TTBK2: variants seen among roughly 807,000 people sequenced by gnomAD.
The protein encoded by TTBK2 is tau tubulin kinase 2.
TTBK2 carries 28 observed loss-of-function variants against 110.8 expected under a neutral mutation model. That is an observed-to-expected ratio of 0.25 (90% CI 0.19 to 0.35). TTBK2 has a LOEUF of 0.35. Ranked by LOEUF, TTBK2 falls within the 10% of genes least tolerant of loss-of-function variation. TTBK2 has a pLI of 1.00. For missense variants in TTBK2, 1,369 were observed against 1,500.3 expected, an observed-to-expected ratio of 0.91 and a Z score of 1.45; for synonymous variants, 532 against 527.3, an observed-to-expected ratio of 1.01 and a Z score of -0.12.
At chr15:42,920,818 G>C (rs551459017), upstream of TTBK2, 3 of 153,026 alleles carry the variant, frequency 2.0e-5, no homozygotes, top group East Asian at 3.9e-4. Flanking sequence ...CTCCCCCCTC[G>C]TAACCCGACA....
intron 10 of TTBK2, among the ~76,000 whole-genome samples, chr15:42,785,654 C>T (rs766655807): frequency 3.0e-4 from 46 of 152,118 alleles, no homozygotes; most frequent in Non-Finnish European, 6.2e-4. Flanking sequence ...CTCCCTTAGA[C>T]CCTCCCATGA....
rs115127805 is a variant in TTBK2, at chr15:42,912,389, T to A, written c.-68+8049A>T. On this transcript the variant is annotated intron_variant, in intron 1 of 14. Transcript: ENST00000267890. ...GATAATTCACCAAATAGCAGTTTTATAACTGTCATATAGTTTATATAAGAT... is the reference window on the plus strand; with the variant it reads ...GATAATTCACCAAATAGCAGTTTTAAAACTGTCATATAGTTTATATAAGAT... Among the ~76,000 whole-genome samples, 1,385 of 152,358 alleles carry A rather than the reference T, an allele frequency of 9.1e-3. 17 individuals are homozygous for A. Among genetic ancestry groups the A allele is most frequent in the African/African-American group, 0.032 (1,316 of 41,580 alleles).
chr15:42,813,307 A>G (rs2140932797), intron 7 of TTBK2, among the ~76,000 whole-genome samples: 1 of 152,222 alleles, frequency 6.6e-6, no homozygotes, highest in Admixed American at 6.5e-5. Flanking sequence ...GAATTGCTTG[A>G]GCTCAGGAGT....
chr15:42,857,336 C>T (rs1893983126), intron 3 of TTBK2: 3 of 151,830 alleles, frequency 2.0e-5, no homozygotes, highest in Admixed American at 2.0e-4. Context: ...GGCAATATAG[C>T]AAAACCCCAT....
intron 14 of TTBK2, among the ~76,000 whole-genome samples, chr15:42,748,763 C>T (rs762287783): frequency 2.0e-4 from 31 of 152,132 alleles, no homozygotes; most frequent in Non-Finnish European, 3.1e-4. Flanking sequence ...TTCCCCTCTT[C>T]CTCAAAATAT....
chr15:42,746,388 C>G (rs369209897), intron 14 of TTBK2, 131 bp from the exon 15 acceptor site: 34 of 704,188 alleles, frequency 4.8e-5, no homozygotes, highest in East Asian at 3.3e-4. Flanking sequence ...CAGGGTTACT[C>G]TGTCATATAC....
At chr15:42,866,172 C>T (rs567502041) in intron 3 of TTBK2, among the ~76,000 whole-genome samples, 2 of 152,126 alleles carry the variant, frequency 1.3e-5, no homozygotes, top group African/African-American at 4.8e-5. Flanking sequence ...AGCACAGTAG[C>T]TTGCACCTGT....
chr15:42,763,669 T>C (rs191835877), intron 13 of TTBK2, among the ~76,000 whole-genome samples: 1 of 152,248 alleles, frequency 6.6e-6, no homozygotes, highest in African/African-American at 2.4e-5. Context: ...CTCATACATA[T>C]GTATGATTAT....
chr15:42,900,403 A>T (rs2029917877), intron 1 of TTBK2, among the ~76,000 whole-genome samples: 2 of 152,176 alleles, frequency 1.3e-5, no homozygotes, highest in Non-Finnish European at 2.9e-5. Flanking sequence ...AAAAACCTGA[A>T]CTGAAATTTA....
intron 3 of TTBK2, among the ~76,000 whole-genome samples, chr15:42,851,260 A>G (rs915886147): frequency 6.6e-5 from 10 of 151,380 alleles, no homozygotes; most frequent in Admixed American, 1.3e-4. Context: ...AAAAAAAAAA[A>G]AAAGAAAGAA....
intron 3 of TTBK2, among the ~76,000 whole-genome samples, chr15:42,845,960 A>C (rs898968248): frequency 1.3e-5 from 2 of 152,308 alleles, no homozygotes; most frequent in East Asian, 3.9e-4. Context: ...CAAAAGGTAC[A>C]CTAAAAACAT....
chr15:42,902,197 C>T (rs2030080185), intron 1 of TTBK2, among the ~76,000 whole-genome samples: 2 of 137,886 alleles, frequency 1.5e-5, no homozygotes, highest in South Asian at 4.5e-4. Flanking sequence ...GCATGGGCAA[C>T]AGAGCGAGAC....
chr15:42,919,434 C>T (rs530777507), intron 1 of TTBK2, among the ~76,000 whole-genome samples: 1 of 152,226 alleles, frequency 6.6e-6, no homozygotes, highest in African/African-American at 2.4e-5. Flanking sequence ...TATACTGTGG[C>T]AAATCAGGGT....
chr15:42,776,821 T>C, intron 12 of TTBK2: 1 of 616,706 alleles, frequency 1.6e-6, no homozygotes, highest in Non-Finnish European at 2.8e-6. Flanking sequence ...AAGGACATGC[T>C]ATAGAATTTA....
intron 9 of TTBK2, chr15:42,800,999 C>T (rs1388321859): frequency 2.6e-6 from 2 of 762,756 alleles, no homozygotes; most frequent in Non-Finnish European, 4.8e-6. Flanking sequence ...CAGACACTAG[C>T]TTCCCATCAC....
In TTBK2 at chr15:42,811,269, T is replaced by C. The variant is rs886544142; in HGVS notation, c.696+419A>G. Among the ~76,000 whole-genome samples the C allele has an allele frequency of 2.1e-4, 32 of 152,238 alleles. 1 individual carries two copies. Among genetic ancestry groups the C allele is most frequent in the Non-Finnish European group, 1.3e-4 (9 of 68,032 alleles). Reference sequence around the variant, plus strand: ...TCAGCCTCCCAAGGTGCTAGGATCATAGATGTGAGCCATTGCACCCATCTC... The same window carrying C: ...TCAGCCTCCCAAGGTGCTAGGATCACAGATGTGAGCCATTGCACCCATCTC... On this transcript the variant is annotated intron_variant, in intron 8 of 14. Transcript: ENST00000267890.
At chr15:42,867,463 AT>A (rs1894421282) in intron 3 of TTBK2, among the ~76,000 whole-genome samples, 1 of 152,188 alleles carries the variant, frequency 6.6e-6, no homozygotes, top group Non-Finnish European at 1.5e-5. Context: ...ATATCCAAAT[AT>A]TTGAAGAATT....
intron 13 of TTBK2, among the ~76,000 whole-genome samples, chr15:42,755,376 G>C (rs2061932283): frequency 6.6e-6 from 1 of 152,158 alleles, no homozygotes; most frequent in Non-Finnish European, 1.5e-5. Flanking sequence ...AAGACACCAA[G>C]AAACCATGTG....
At position 42,777,450 on chromosome 15, in the gene TTBK2, T is replaced by C. The variant is rs1332081975; in HGVS notation, c.1198-208A>G. On this transcript the variant is annotated intron_variant, in intron 11 of 14. Transcript: ENST00000267890. ...TAATTTATACTCAGTTTCAGTATTA[T>C]TTTAGGTTTTTAAAATACTTTTGGC... Among the ~76,000 whole-genome samples, 4 of 152,238 alleles carry C rather than the reference T, an allele frequency of 2.6e-5. No individual in the cohort carries two copies. In the South Asian group the frequency reaches 8.3e-4, roughly 31 times the overall value.
Sources: allele counts gnomAD v4.1 joint callset (sites outside exome capture counted in the v4.1 genomes callset), GRCh38; gene constraint gnomAD v4.1.1; transcripts MANE v1.5; gene names NCBI Gene and HGNC (gene_info 2026-07-23, HGNC 2026-07-21).